The following RUFY3 variants were observed in gnomAD, a reference collection of about 807,000 sequenced individuals.
The protein encoded by RUFY3 is RUN and FYVE domain containing 3, also known as protein RUFY3.
In RUFY3, 34 loss-of-function variants were observed where a neutral mutation model predicts 84.0. The observed-to-expected ratio is 0.40, with a 90% CI of 0.31 to 0.54. RUFY3 has a LOEUF of 0.54. Ranked by LOEUF, RUFY3 falls within the 20% of genes least tolerant of loss-of-function variation. The pLI, the probability that RUFY3 is intolerant of heterozygous loss-of-function variation, is 0.39. For missense variants in RUFY3, 507 were observed against 736.8 expected, an observed-to-expected ratio of 0.69 and a Z score of 3.61; for synonymous variants, 242 against 252.9, an observed-to-expected ratio of 0.96 and a Z score of 0.41.
intron 1 of RUFY3, among the ~76,000 whole-genome samples, chr4:70,727,231 G>A (rs982877231): frequency 1.3e-5 from 2 of 149,634 alleles, no homozygotes; most frequent in African/African-American, 5.0e-5. Flanking sequence ...TTATTACTGA[G>A]ATGAAGTGGT....
intron 1 of RUFY3, chr4:70,734,543 C>G: frequency 2.0e-6 from 2 of 985,440 alleles, no homozygotes; most frequent in Non-Finnish European, 2.4e-6. Flanking sequence ...CACGGTTCAT[C>G]CCTTCTTGTT....
At position 70,788,936 on chromosome 4, in the gene RUFY3, T is replaced by G; in HGVS notation, c.1202T>G (p.Leu401Arg). The G allele has an allele frequency of 6.2e-7, 1 of 1,614,124 alleles. No homozygotes were observed. Among genetic ancestry groups the G allele is most frequent in the Non-Finnish European group, 8.5e-7 (1 of 1,179,998 alleles). ...LVSLRQQLDD[L>R]RALKHELAFK... Reference sequence around the variant, plus strand: ...TCTCTTCGGCAGCAGCTGGATGACCTCAGAGCTCTCAAGCATGAACTTGCC... The same window carrying G: ...TCTCTTCGGCAGCAGCTGGATGACCGCAGAGCTCTCAAGCATGAACTTGCC... Residue 401 changes from leucine to arginine, a missense_variant, in exon 11 of 18, where the codon CTC becomes CGC. Leu to Arg is a moderately radical substitution (Grantham distance 102). Coordinates refer to ENST00000381006, the MANE Select transcript of RUFY3 (RefSeq NM_001037442.4).
At chr4:70,753,476 A>G (rs749235015) in intron 1 of RUFY3, among the ~76,000 whole-genome samples, 26 of 152,174 alleles carry the variant, frequency 1.7e-4, no homozygotes, top group Non-Finnish European at 2.5e-4. Context: ...GCCAACTGTG[A>G]AATCATGGAA....
At chr4:70,716,655 C>A (rs1741657393) in intron 1 of RUFY3, among the ~76,000 whole-genome samples, 1 of 151,810 alleles carries the variant, frequency 6.6e-6, no homozygotes, top group Non-Finnish European at 1.5e-5. Context: ...ACCAGCCTGG[C>A]CAAGATGGTG....
intron 10 of RUFY3, among the ~76,000 whole-genome samples, chr4:70,787,168 G>GAAA (rs71211959): frequency 6.1e-4 from 32 of 52,868 alleles, no homozygotes; most frequent in African/African-American, 1.3e-3. Flanking sequence ...CCCTGTCTCA[G>GAAA]AAAAAAAAAA....
intron 1 of RUFY3, chr4:70,734,697 A>G (rs998742336): frequency 3.1e-6 from 1 of 317,920 alleles, no homozygotes; most frequent in African/African-American, 2.3e-5. Flanking sequence ...CTAAACCACG[A>G]AAGAGGTGCA....
intron 14 of RUFY3, among the ~76,000 whole-genome samples, chr4:70,799,015 G>A (rs1731880077): frequency 6.7e-6 from 1 of 149,850 alleles, no homozygotes; most frequent in African/African-American, 2.5e-5. Flanking sequence ...CATCAATGGT[G>A]GGCGCCTGTA....
intron 10 of RUFY3, among the ~76,000 whole-genome samples, chr4:70,786,771 G>C (rs928214887): frequency 1.3e-5 from 2 of 151,892 alleles, no homozygotes; most frequent in South Asian, 2.1e-4. Flanking sequence ...ATAACCCCTG[G>C]TATTCACATA....
Position 70,757,387 on chromosome 4 carries a change from C to T in RUFY3, c.179-5132C>T, listed in dbSNP as rs535946924. ...TGGGAGGCCGAGGCAGGTGGATCAC[C>T]TGAGGTCAGGAGTTTGAGACCAGCC... On this transcript the variant is annotated intron_variant, in intron 1 of 17. Coordinates refer to ENST00000381006, the MANE Select transcript of RUFY3 (RefSeq NM_001037442.4). Among the ~76,000 whole-genome samples the T allele has an allele frequency of 7.9e-5, 12 of 152,136 alleles. No individual in the cohort carries two copies. The East Asian group carries it at 1.7e-3, about 22-fold the overall frequency.
At chr4:70,712,157 AT>A (rs541282854) in intron 1 of RUFY3, among the ~76,000 whole-genome samples, 2 of 151,478 alleles carry the variant, frequency 1.3e-5, no homozygotes, top group African/African-American at 2.4e-5. Flanking sequence ...TTATATAACA[AT>A]TTTTTTTTGT....
chr4:70,793,247 C>T, intron 12 of RUFY3: 6 of 987,002 alleles, frequency 6.1e-6, no homozygotes, highest in Non-Finnish European at 7.2e-6. Flanking sequence ...TAGAATAACC[C>T]AAAGCCTAGG....
chr4:70,714,080 T>C (rs1338413189), intron 1 of RUFY3, among the ~76,000 whole-genome samples: 1 of 152,210 alleles, frequency 6.6e-6, no homozygotes, highest in Non-Finnish European at 1.5e-5. Context: ...ATTTTGTTAA[T>C]GTAGAAATGG....
chr4:70,711,525 G>A (rs563573118), intron 1 of RUFY3, among the ~76,000 whole-genome samples: 1 of 152,270 alleles, frequency 6.6e-6, no homozygotes, highest in Non-Finnish European at 1.5e-5. Flanking sequence ...ACCATTCTGT[G>A]ATTCATAAAT....
intron 1 of RUFY3, among the ~76,000 whole-genome samples, chr4:70,758,607 AC>A (rs1475241992): frequency 6.6e-6 from 1 of 152,216 alleles, no homozygotes; most frequent in Non-Finnish European, 1.5e-5. Context: ...ATTTAGGGAT[AC>A]AGACTGACAT....
rs780870762 is a variant in RUFY3, at chr4:70,764,548, G to A, written c.544G>A (p.Ala182Thr). The change falls in exon 4 of 18, where the codon GCT (alanine) becomes ACT (threonine). Residue 182 changes from alanine (A) to threonine (T), a missense_variant. Physicochemically the swap from Ala to Thr is moderately conservative, Grantham distance 58. Coordinates refer to ENST00000381006, the MANE Select transcript of RUFY3 (RefSeq NM_001037442.4). ...MQKKLSEYMK[A>T]LINKKELLSE... ...AAAGAAACTTTCAGAATATATGAAAGCTTTGATCAATAAGAAAGAACTTCT... is the reference window on the plus strand; with the variant it reads ...AAAGAAACTTTCAGAATATATGAAAACTTTGATCAATAAGAAAGAACTTCT... 5 of 1,612,732 alleles carry A rather than the reference G, an allele frequency of 3.1e-6. No homozygotes were observed. Among genetic ancestry groups the A allele is most frequent in the Non-Finnish European group, 4.2e-6 (5 of 1,179,150 alleles).
At chr4:70,773,946 G>A (rs949611063) in intron 6 of RUFY3, among the ~76,000 whole-genome samples, 16 of 152,284 alleles carry the variant, frequency 1.1e-4, no homozygotes, top group Admixed American at 1.0e-3. Flanking sequence ...GTGAGGTTAT[G>A]TAAAATATTG....
At chr4:70,748,699 G>T (rs1299707411) in intron 1 of RUFY3, among the ~76,000 whole-genome samples, 2 of 152,156 alleles carry the variant, frequency 1.3e-5, no homozygotes, top group Admixed American at 6.5e-5. Context: ...AGTCCCATGG[G>T]GTGACACTGG....
chr4:70,764,626 G>T, intron 4 of RUFY3, 50 bp downstream of exon 4: 1 of 1,097,590 alleles, frequency 9.1e-7, no homozygotes, highest in South Asian at 1.4e-5. Flanking sequence ...GTTCTACATC[G>T]TATAAAGTCA....
chr4:70,740,832 A>C (rs1721210875), intron 1 of RUFY3, among the ~76,000 whole-genome samples: 1 of 152,180 alleles, frequency 6.6e-6, no homozygotes, highest in Non-Finnish European at 1.5e-5. Flanking sequence ...ATATATAGAC[A>C]CATAATTCCA....
Sources: allele counts gnomAD v4.1 joint callset (sites outside exome capture counted in the v4.1 genomes callset), GRCh38; gene constraint gnomAD v4.1.1; transcripts MANE v1.5; gene names NCBI Gene and HGNC (gene_info 2026-07-23, HGNC 2026-07-21).